AMN1: variants seen among roughly 807,000 people sequenced by gnomAD.
AMN1 encodes protein AMN1 homolog.
AMN1 carries 20 observed loss-of-function variants against 33.0 expected under a neutral mutation model. The observed-to-expected ratio is 0.61, with a 90% CI of 0.43 to 0.88. AMN1 has a LOEUF of 0.88. AMN1 is among the 40% of genes least tolerant of loss of function. The pLI is 0.00. For missense variants in AMN1, 246 were observed against 307.4 expected (o/e 0.80, Z 1.49); for synonymous variants, 114 against 111.9 (o/e 1.02, Z -0.12).
At chr12:31,701,810 T>G in intron 3 of AMN1, 53 bp downstream of exon 3, 1 of 1,474,780 alleles carries the variant, frequency 6.8e-7, no homozygotes, top group Non-Finnish European at 9.1e-7. Context: ...CTCCACAATT[T>G]TACCAGATAG....
intron 6 of AMN1, among the ~76,000 whole-genome samples, chr12:31,677,025 G>A (rs1449755147): frequency 6.6e-6 from 1 of 151,670 alleles, no homozygotes; most frequent in African/African-American, 2.4e-5. Flanking sequence ...TTGGCCGGGC[G>A]CGGCGGCTCA....
rs1437963982 is a variant in AMN1, at chr12:31,689,021, C to T, written c.689G>A (p.Cys230Tyr). The T allele has an allele frequency of 6.2e-7, 1 of 1,610,592 alleles. No homozygotes were observed. Among genetic ancestry groups the T allele is most frequent in the African/African-American group, 1.3e-5 (1 of 74,782 alleles). Residue 230 changes from cysteine to tyrosine, a missense_variant, in exon 6 of 7, where the codon TGC (cysteine) becomes TAC (tyrosine). By Grantham distance (194) the Cys-to-Tyr change is radical. Coordinates refer to ENST00000281471, the MANE Select transcript of AMN1 (RefSeq NM_001113402.2). ...ATTGCACTAACCTGTTATCAAGGGG[C>T]ATCCATGGAAGAGTAATATACGTAT... The part of the protein sequence containing the change: ...PQIRILLFHG[C>Y]PLITDHSREV...
At chr12:31,714,358 ACT>A (rs2139717877) in intron 1 of AMN1, 1 of 152,260 alleles carries the variant, frequency 6.6e-6, no homozygotes, top group South Asian at 2.1e-4. Flanking sequence ...ACAAGGTCTC[ACT>A]CTGTTGCCCA....
At position 31,671,401 on chromosome 12, in the gene AMN1, T is replaced by C. The variant is rs1592141313; in HGVS notation, c.*903A>G. ...ACTACATCAGAGGCAAAATAAGAAATCTTTTAAGAAAATCTCAAGACTGGC... is the reference window on the plus strand; with the variant it reads ...ACTACATCAGAGGCAAAATAAGAAACCTTTTAAGAAAATCTCAAGACTGGC... On this transcript the variant is annotated 3_prime_UTR_variant, in exon 7 of 7. Coordinates refer to ENST00000281471, the MANE Select transcript of AMN1 (RefSeq NM_001113402.2). 6.6e-6 allele frequency: 1 copy of C among 152,272 alleles called. No individual in the cohort carries two copies. The highest frequency in any genetic ancestry group is 2.4e-5 in the African/African-American group (1 of 41,556). 9.4% of individuals were successfully genotyped at this position (152,272 alleles called of 1,614,324 possible).
intron 2 of AMN1, among the ~76,000 whole-genome samples, chr12:31,705,728 T>G (rs1413260268): frequency 6.6e-6 from 1 of 152,120 alleles, no homozygotes; most frequent in Non-Finnish European, 1.5e-5. Flanking sequence ...AAGAAGCAGA[T>G]AAGCTATAGG....
At chr12:31,720,912 A>G (rs1939857484) in intron 1 of AMN1, among the ~76,000 whole-genome samples, 1 of 152,198 alleles carries the variant, frequency 6.6e-6, no homozygotes, top group Non-Finnish European at 1.5e-5. Context: ...GTTTCAATTC[A>G]ACTGGGTATA....
chr12:31,720,881 GT>G (rs1359601175), intron 1 of AMN1, among the ~76,000 whole-genome samples: 2 of 152,210 alleles, frequency 1.3e-5, no homozygotes, highest in African/African-American at 4.8e-5. Context: ...GAACATTCAT[GT>G]ACAAGTATTT....
chr12:31,717,043 G>A (rs1840713340), intron 1 of AMN1, among the ~76,000 whole-genome samples: 1 of 151,824 alleles, frequency 6.6e-6, no homozygotes, highest in Admixed American at 6.6e-5. Flanking sequence ...TAAGTTCCGG[G>A]ATATACACCT....
chr12:31,698,530 G>A (rs1370850045), intron 3 of AMN1, among the ~76,000 whole-genome samples: 1 of 150,188 alleles, frequency 6.7e-6, no homozygotes, highest in African/African-American at 2.5e-5. Context: ...TCAAAAAAGA[G>A]AAGTCTTTAA....
intron 5 of AMN1, among the ~76,000 whole-genome samples, chr12:31,696,092 C>T (rs1475884373): frequency 6.6e-6 from 1 of 151,664 alleles, no homozygotes; most frequent in Admixed American, 6.6e-5. Context: ...TAAAAATTAG[C>T]TGGATGTGGT....
intron 1 of AMN1, among the ~76,000 whole-genome samples, chr12:31,711,449 G>T (rs1403513069): frequency 6.6e-6 from 1 of 152,074 alleles, no homozygotes; most frequent in Non-Finnish European, 1.5e-5. Context: ...AGGTGAAAAT[G>T]ATGTCTCACT....
chr12:31,680,495 C>T (rs1937959942), intron 6 of AMN1, among the ~76,000 whole-genome samples: 1 of 152,336 alleles, frequency 6.6e-6, no homozygotes, highest in South Asian at 2.1e-4. Context: ...AGCCACCATA[C>T]ACAGCCAAAA....
At position 31,688,999 on chromosome 12, in the gene AMN1, G is replaced by A; in HGVS notation, c.703+8C>T. ...AGAATTTGAACCCAAGCAATCTATTGCACTAACCTGTTATCAAGGGGCATC... is the reference window on the plus strand; with the variant it reads ...AGAATTTGAACCCAAGCAATCTATTACACTAACCTGTTATCAAGGGGCATC... On this transcript the variant is annotated splice_region_variant and intron_variant, in intron 6 of 6. Transcript: ENST00000281471. 2 of 1,583,132 alleles carry A rather than the reference G, an allele frequency of 1.3e-6. No individual in the cohort carries two copies. Among genetic ancestry groups the A allele is most frequent in the South Asian group, 2.2e-5 (2 of 89,772 alleles).
intron 1 of AMN1, among the ~76,000 whole-genome samples, chr12:31,723,983 G>T (rs576618304): frequency 3.9e-5 from 6 of 152,294 alleles, no homozygotes; most frequent in African/African-American, 1.2e-4. Context: ...GTGAGTAGGG[G>T]ATTAGAGAAA....
chr12:31,676,614 G>A (rs559731741), intron 6 of AMN1, among the ~76,000 whole-genome samples: 5 of 151,366 alleles, frequency 3.3e-5, no homozygotes, highest in East Asian at 4.0e-4. Flanking sequence ...GAGCCACCGC[G>A]CCTGGCCAAC....
At chr12:31,717,635 A>T (rs1305378345) in intron 1 of AMN1, among the ~76,000 whole-genome samples, 6 of 152,168 alleles carry the variant, frequency 3.9e-5, no homozygotes, top group Non-Finnish European at 8.8e-5. Flanking sequence ...AATTTAATTC[A>T]GTCTTATTTA....
In AMN1 at chr12:31,683,038, T is replaced by C. The variant is rs1425009595; in HGVS notation, c.703+5969A>G. Reference sequence around the variant, plus strand: ...AGTGCAGTGGCACAATCTTGGCTAATTGCAACCTCTGCCCCCCAGGCTCAA... The same window carrying C: ...AGTGCAGTGGCACAATCTTGGCTAACTGCAACCTCTGCCCCCCAGGCTCAA... On this transcript the variant is annotated intron_variant, in intron 6 of 6. Transcript: ENST00000281471. The surrounding 1 kb of genome is among the most constrained non-coding windows in gnomAD (Gnocchi z 4.1). 2.7e-5 allele frequency among the ~76,000 whole-genome samples: 4 copies of C among 150,910 alleles called. No homozygotes were observed. The highest frequency in any genetic ancestry group is 4.9e-5 in the African/African-American group (2 of 41,002).
In AMN1 at chr12:31,683,049, G is replaced by GC. The variant is rs537394934; in HGVS notation, c.703+5957dup. On this transcript the variant is annotated intron_variant, in intron 6 of 6. Coordinates refer to ENST00000281471, the MANE Select transcript of AMN1 (RefSeq NM_001113402.2). This position sits in a 1 kb window ranked among gnomAD's most constrained non-coding sequence, Gnocchi z 4.1. ...ACAATCTTGGCTAATTGCAACCTCT[G>GC]CCCCCCAGGCTCAAGTGATCCTCAT... Among the ~76,000 whole-genome samples, 631 of 148,236 alleles carry GC rather than the reference G, an allele frequency of 4.3e-3. 3 individuals are homozygous for GC. Among genetic ancestry groups the GC allele is most frequent in the Non-Finnish European group, 7.4e-3 (501 of 67,528 alleles).
Position 31,697,595 on chromosome 12 carries a change from C to A in AMN1, c.534+145G>T, listed in dbSNP as rs2139686707. 3 of 1,041,430 alleles carry A rather than the reference C, an allele frequency of 2.9e-6. 1 individual carries two copies. Among genetic ancestry groups the A allele is most frequent in the Middle Eastern group, 4.3e-4 (2 of 4,628 alleles). The allele number at this position is 1,041,430 out of a possible 1,614,324, so 64.5% of individuals were successfully genotyped here. ...TTGAGAGGAATATGCCAATATATAT[C>A]TCAATTACTTAACCACAAAAAGCAT... On this transcript the variant is annotated intron_variant, in intron 4 of 6. Transcript: ENST00000281471.
Sources: gnomAD v4.1 joint callset for allele counts (sites outside exome capture counted in the v4.1 genomes callset) on GRCh38, gnomAD v4.1.1 for gene constraint, Gnocchi (gnomAD v3.1) non-coding constraint, MANE v1.5 for transcripts, NCBI Gene and HGNC (gene_info 2026-07-23, HGNC 2026-07-21) for gene names.